ZNF112: variants seen among roughly 807,000 people sequenced by gnomAD.
ZNF112 encodes the protein zinc finger protein 112 (Y14).
ZNF112 carries 37 observed loss-of-function variants against 77.7 expected under a neutral mutation model. The ratio of observed to expected loss-of-function variants is 0.48; its 90% confidence interval spans 0.37 to 0.63. ZNF112 has a LOEUF of 0.63. ZNF112 is among the 20% of genes least tolerant of loss of function. The pLI is 0.00. For missense variants in ZNF112, 950 were observed against 1,077.4 expected, an observed-to-expected ratio of 0.88 and a Z score of 1.66; for synonymous variants, 333 against 363.6, an observed-to-expected ratio of 0.92 and a Z score of 0.96.
Position 44,329,818 on chromosome 19 carries a change from A to C in ZNF112, c.339T>G (p.Cys113Trp), listed in dbSNP as rs1599910946. Residue 113 changes from cysteine (C) to tryptophan (W), a missense_variant, in exon 4 of 4, where the codon TGT (cysteine) becomes TGG (tryptophan). By Grantham distance (215) the Cys-to-Trp change is radical. Transcript: ENST00000354340. ...WQQSAGGLIRCQDFLKVFQGK... is the reference protein window; with the variant it reads ...WQQSAGGLIRWQDFLKVFQGK... ...CTTGAAAAACTTTCAGGAAATCTTG[A>C]CACCTGATTAACCCACCTGCACTTT... 3.7e-6 allele frequency: 6 copies of C among 1,613,952 alleles called. No individual in the cohort carries two copies. The highest frequency in any genetic ancestry group is 4.2e-6 in the Non-Finnish European group (5 of 1,179,998).
chr19:44,345,107 A>G (rs1275171178), intron 1 of ZNF112, among the ~76,000 whole-genome samples: 1 of 152,188 alleles, frequency 6.6e-6, no homozygotes, highest in Non-Finnish European at 1.5e-5. Flanking sequence ...GGGAGCTTTA[A>G]AAAAAACCAA....
chr19:44,352,271 A>T (rs1970707429), intron 1 of ZNF112, among the ~76,000 whole-genome samples: 1 of 152,168 alleles, frequency 6.6e-6, no homozygotes, highest in Non-Finnish European at 1.5e-5. Flanking sequence ...AAATTAAATA[A>T]GGCTGTTCTA....
intron 2 of ZNF112, among the ~76,000 whole-genome samples, chr19:44,337,309 ATTTTGT>A (rs1970388566): frequency 8.5e-6 from 1 of 117,184 alleles, no homozygotes; most frequent in Non-Finnish European, 1.7e-5. Context: ...ATATATATAT[ATTTTGT>A]ATATGTATAA....
At chr19:44,338,737 T>A (rs1970434325) in intron 2 of ZNF112, among the ~76,000 whole-genome samples, 1 of 152,208 alleles carries the variant, frequency 6.6e-6, no homozygotes, top group South Asian at 2.1e-4. Context: ...AGACTCTAGA[T>A]CCTGTTCTGG....
At chr19:44,349,503 C>T (rs1331961804) in intron 1 of ZNF112, among the ~76,000 whole-genome samples, 1 of 152,010 alleles carries the variant, frequency 6.6e-6, no homozygotes, top group East Asian at 1.9e-4. Context: ...CTATGCTAAA[C>T]TAATCAAACC....
At chr19:44,354,383 G>C (rs1321213826) in intron 1 of ZNF112, among the ~76,000 whole-genome samples, 15 of 152,002 alleles carry the variant, frequency 9.9e-5, no homozygotes, top group Admixed American at 5.2e-4. Context: ...TTAAAAACCT[G>C]TTTTAAAAAC....
upstream of ZNF112, among the ~76,000 whole-genome samples, chr19:44,356,963 A>G (rs1970797983): frequency 1.3e-5 from 2 of 152,188 alleles, no homozygotes; most frequent in South Asian, 4.1e-4. Flanking sequence ...GCTCGTATAT[A>G]TATTTCTCTG....
rs80122786 is a variant in ZNF112 at position 44,339,394 on chromosome 19, C to G, written c.124+1022G>C. Among the ~76,000 whole-genome samples the G allele has an allele frequency of 1.3e-3, 205 of 152,276 alleles. 4 individuals carry two copies. In the East Asian group the frequency reaches 0.033, roughly 25 times the overall value. On this transcript the variant is annotated intron_variant, in intron 2 of 3. Transcript: ENST00000354340. The stretch of plus-strand genomic sequence containing the variant: ...TTGAGCCATGTGGTATTAGCTTAAC[C>G]TCTGGAGAAACTGGAATCTAAGAGC...
upstream of ZNF112, among the ~76,000 whole-genome samples, chr19:44,360,670 C>G (rs1181133637): frequency 6.6e-6 from 1 of 151,982 alleles, no homozygotes; most frequent in Non-Finnish European, 1.5e-5. Context: ...GACTTCAGAT[C>G]TGCAACAAAT....
chr19:44,348,759 T>G, intron 1 of ZNF112, among the ~76,000 whole-genome samples: 1 of 152,004 alleles, frequency 6.6e-6, no homozygotes, highest in Non-Finnish European at 1.5e-5. Flanking sequence ...AAATGCAACA[T>G]ATCAAAATGT....
intron 1 of ZNF112, among the ~76,000 whole-genome samples, chr19:44,342,418 C>T (rs1371452201): frequency 6.6e-6 from 1 of 152,140 alleles, no homozygotes; most frequent in Non-Finnish European, 1.5e-5. Flanking sequence ...TATCAAAATT[C>T]TCTCACACTG....
chr19:44,336,561 G>T, intron 3 of ZNF112, 62 bp downstream of exon 3: 1 of 1,387,794 alleles, frequency 7.2e-7, no homozygotes, highest in Non-Finnish European at 1.0e-6. Flanking sequence ...GAAGTGATGT[G>T]TTCTGACTCA....
intron 1 of ZNF112, among the ~76,000 whole-genome samples, chr19:44,366,824 C>T (rs1206085223): frequency 6.6e-6 from 1 of 152,102 alleles, no homozygotes; most frequent in Non-Finnish European, 1.5e-5. Context: ...ATAAAATGAA[C>T]CACACTTACC....
At position 44,327,929 on chromosome 19, in the gene ZNF112, T is replaced by C; in HGVS notation, c.2228A>G (p.Tyr743Cys). 6.2e-7 allele frequency: 1 copy of C among 1,613,616 alleles called. No homozygotes were observed. Among genetic ancestry groups the C allele is most frequent in the Non-Finnish European group, 8.5e-7 (1 of 1,179,900 alleles). Reference protein sequence around the residue: ...HQRVHTRVKPYKCEMCGKGFS... With the variant: ...HQRVHTRVKPCKCEMCGKGFS... ...GCCCTTCCCACACATCTCACATTTA[T>C]ACGGTTTCACTCTAGTGTGGACTCT... The change falls in exon 4 of 4, where the codon TAT becomes TGT. Residue 743 changes from tyrosine to cysteine, a missense_variant. Around this residue, in one of 3 missense-constraint regions of ZNF112, gnomAD observed 373 missense variants for 482.8 expected, o/e 0.77. Coordinates refer to ENST00000354340, the MANE Select transcript of ZNF112 (RefSeq NM_013380.4).
At chr19:44,355,450 C>A (rs1352831409) in intron 1 of ZNF112, among the ~76,000 whole-genome samples, 1 of 151,798 alleles carries the variant, frequency 6.6e-6, no homozygotes, top group Non-Finnish European at 1.5e-5. Context: ...TTTAAAAAAT[C>A]AAAAATTCAA....
chr19:44,355,619 C>T (rs1970773131), intron 1 of ZNF112, among the ~76,000 whole-genome samples: 1 of 152,148 alleles, frequency 6.6e-6, no homozygotes, highest in Non-Finnish European at 1.5e-5. Context: ...AGATAAACCA[C>T]CTATGCTCTA....
At chr19:44,340,352 CAA>C in intron 2 of ZNF112, 62 bp downstream of exon 2, 2 of 1,568,244 alleles carry the variant, frequency 1.3e-6, no homozygotes, top group South Asian at 2.4e-5. Context: ...GAGTTTCTAA[CAA>C]TTGAGCACAC....
chr19:44,361,146 A>T (rs552371098), upstream of ZNF112, among the ~76,000 whole-genome samples: 5 of 152,302 alleles, frequency 3.3e-5, no homozygotes, highest in African/African-American at 1.2e-4. Flanking sequence ...TGCAAAATTC[A>T]TCAATAGGAT....
At chr19:44,366,491 G>A (rs957867979) in intron 1 of ZNF112, among the ~76,000 whole-genome samples, 1 of 152,050 alleles carries the variant, frequency 6.6e-6, no homozygotes, top group African/African-American at 2.4e-5. Context: ...AGGATGCTAA[G>A]TCACACTCAG....
Sources: gnomAD v4.1 joint callset for allele counts (sites outside exome capture counted in the v4.1 genomes callset) on GRCh38, gnomAD v4.1.1 for gene constraint, gnomAD v4.1.1 regional missense constraint, MANE v1.5 for transcripts, NCBI Gene and HGNC (gene_info 2026-07-23, HGNC 2026-07-21) for gene names.